Variants in EBF1 observed in about 807,000 individuals in gnomAD.
EBF1 encodes the protein EBF transcription factor 1.
A neutral mutation model predicts 68.4 loss-of-function variants in EBF1; 10 were observed. The observed-to-expected ratio is 0.15, with a 90% CI of 0.09 to 0.25. EBF1 has a LOEUF of 0.25. Ranked by LOEUF, EBF1 falls within the 10% of genes least tolerant of loss-of-function variation. EBF1 has a pLI of 1.00. For missense variants in EBF1, 509 were observed against 794.4 expected (o/e 0.64, Z 4.32); for synonymous variants, 298 against 299.8 (o/e 0.99, Z 0.06).
At chr5:158,913,033 G>A (rs1806362430) in intron 6 of EBF1, among the ~76,000 whole-genome samples, 1 of 152,134 alleles carries the variant, frequency 6.6e-6, no homozygotes, top group Non-Finnish European at 1.5e-5. Flanking sequence ...GCCTTTTTCT[G>A]CAGAGGAATT....
intron 11 of EBF1, among the ~76,000 whole-genome samples, chr5:158,714,866 A>G (rs1760283786): frequency 6.6e-6 from 1 of 152,072 alleles, no homozygotes; most frequent in Admixed American, 6.5e-5. Flanking sequence ...CCATTTGCTC[A>G]TTCATTCTCA....
intron 6 of EBF1, among the ~76,000 whole-genome samples, chr5:158,981,629 C>T (rs926186251): frequency 2.0e-5 from 3 of 152,010 alleles, no homozygotes; most frequent in African/African-American, 7.2e-5. Context: ...AATATTAAAA[C>T]TCATTAAAAA....
intron 6 of EBF1, among the ~76,000 whole-genome samples, chr5:158,957,242 T>G (rs1817320325): frequency 6.6e-6 from 1 of 152,248 alleles, no homozygotes; most frequent in Non-Finnish European, 1.5e-5. Flanking sequence ...AATAAAATTA[T>G]AGATATTTAC....
intron 6 of EBF1, among the ~76,000 whole-genome samples, chr5:158,868,105 C>CA (rs1253664196): frequency 2.0e-5 from 3 of 151,910 alleles, no homozygotes; most frequent in East Asian, 3.9e-4. Context: ...CCCCAAGAAA[C>CA]AAACAACATA....
At chr5:158,777,339 A>G (rs12657410) in intron 10 of EBF1, 74 bp downstream of exon 10, 84,765 of 1,421,370 alleles carry the variant, frequency 0.06, 3,103 homozygotes, top group East Asian at 0.16. Flanking sequence ...ACATGCTTTT[A>G]TACAGACAAG....
intron 8 of EBF1, among the ~76,000 whole-genome samples, chr5:158,805,465 T>G (rs1004771847): frequency 5.9e-5 from 9 of 152,072 alleles, no homozygotes; most frequent in Non-Finnish European, 8.8e-5. Context: ...TGAATATGAA[T>G]TTTTAGCCTC....
intron 8 of EBF1, among the ~76,000 whole-genome samples, chr5:158,804,269 A>G (rs1025111744): frequency 3.9e-5 from 6 of 151,942 alleles, no homozygotes; most frequent in African/African-American, 1.2e-4. Flanking sequence ...ATCTAGATGT[A>G]CCTAAACTTA....
intron 6 of EBF1, chr5:158,982,953 T>C (rs1418247916): frequency 6.6e-6 from 1 of 152,288 alleles, no homozygotes; most frequent in African/African-American, 2.4e-5. Context: ...TGTTACCTCA[T>C]AGGGCAAAGC....
chr5:158,903,167 C>T lies in EBF1; in HGVS notation c.555-63057G>A, dbSNP rs187870288. ...AGAGCTCTTCAGCGAAGAAGCCTGT[C>T]GCATTGGATTGTGATTATAATCCAC... is the stretch of plus-strand genomic sequence containing the variant. On this transcript the variant is annotated intron_variant, in intron 6 of 15. Transcript: ENST00000313708. Among the ~76,000 whole-genome samples, 90 of 152,284 alleles carry T rather than the reference C, an allele frequency of 5.9e-4. 2 individuals carry two copies. The highest frequency in any genetic ancestry group is 1.8e-3 in the African/African-American group (73 of 41,552).
At chr5:159,048,155 T>C (rs955612139) in intron 6 of EBF1, among the ~76,000 whole-genome samples, 6 of 152,102 alleles carry the variant, frequency 3.9e-5, no homozygotes, top group Admixed American at 6.5e-5. Context: ...TCAACAAACA[T>C]TTGTGGTATA....
intron 10 of EBF1, among the ~76,000 whole-genome samples, chr5:158,772,529 T>G (rs1774073695): frequency 6.6e-6 from 1 of 152,156 alleles, no homozygotes; most frequent in Admixed American, 6.5e-5. Flanking sequence ...ATATTAGCTG[T>G]GTGATGCATT....
chr5:158,846,626 G>C (rs1791577425), intron 6 of EBF1, among the ~76,000 whole-genome samples: 1 of 152,186 alleles, frequency 6.6e-6, no homozygotes, highest in African/African-American at 2.4e-5. Context: ...CAGTGAGAAG[G>C]AGAAAACTCT....
chr5:159,097,252 G>T, intron 1 of EBF1, 122 bp from the exon 2 acceptor site: 1 of 1,187,800 alleles, frequency 8.4e-7, no homozygotes, highest in Non-Finnish European at 1.2e-6. Context: ...CATCCAGTGG[G>T]CGCTCTTCAC....
chr5:158,956,642 A>T (rs1163926553), intron 6 of EBF1, among the ~76,000 whole-genome samples: 5 of 152,230 alleles, frequency 3.3e-5, no homozygotes, highest in Non-Finnish European at 7.3e-5. Context: ...AGAAAAAAGA[A>T]GTTGAAAATA....
chr5:158,909,842 C>T (rs1021266810), intron 6 of EBF1, among the ~76,000 whole-genome samples: 2 of 150,978 alleles, frequency 1.3e-5, no homozygotes, highest in Non-Finnish European at 2.9e-5. Flanking sequence ...GAGGCTGAGG[C>T]AGGAGAATCA....
chr5:158,831,032 CGGTGACAT>C (rs1787438443), intron 7 of EBF1, among the ~76,000 whole-genome samples: 1 of 152,150 alleles, frequency 6.6e-6, no homozygotes. Context: ...GTCTCCTGAA[CGGTGACAT>C]ATGATAAACA....
chr5:159,061,552 T>G (rs1332777656), intron 6 of EBF1, among the ~76,000 whole-genome samples: 1 of 152,154 alleles, frequency 6.6e-6, no homozygotes, highest in Non-Finnish European at 1.5e-5. Flanking sequence ...CCCCCGCCCT[T>G]TATGGAATTC....
chr5:159,006,086 G>A (rs149671503), intron 6 of EBF1, among the ~76,000 whole-genome samples: 2 of 152,240 alleles, frequency 1.3e-5, no homozygotes, highest in East Asian at 1.9e-4. Context: ...TATGGATAAC[G>A]GTATAGAGGA....
chr5:159,001,740 A>G (rs1762583714), intron 6 of EBF1, among the ~76,000 whole-genome samples: 1 of 152,192 alleles, frequency 6.6e-6, no homozygotes. Flanking sequence ...CTCAGGGGCT[A>G]TAGGACCACA....
Sources: allele counts gnomAD v4.1 joint callset (sites outside exome capture counted in the v4.1 genomes callset), GRCh38; gene constraint gnomAD v4.1.1; transcripts MANE v1.5; gene names NCBI Gene and HGNC (gene_info 2026-07-23, HGNC 2026-07-21).